Variants in RAD17 observed in about 807,000 individuals in gnomAD.
RAD17 encodes cell cycle checkpoint protein RAD17.
RAD17 carries 31 observed loss-of-function variants against 81.5 expected under a neutral mutation model. That is an observed-to-expected ratio of 0.38 (90% CI 0.29 to 0.51). The LOEUF (loss-of-function observed/expected upper bound fraction) is 0.51. Ranked by LOEUF, RAD17 falls within the 20% of genes least tolerant of loss-of-function variation. The pLI, the probability that RAD17 is intolerant of heterozygous loss-of-function variation, is 0.88. For missense variants in RAD17, 681 were observed against 781.2 expected (o/e 0.87, Z 1.53); for synonymous variants, 261 against 266.2 (o/e 0.98, Z 0.19).
At chr5:69,369,804 G>A, upstream of RAD17, 10 of 1,224,910 alleles carry the variant, frequency 8.2e-6, no homozygotes, top group Non-Finnish European at 1.1e-5. Flanking sequence ...AGTCTGGAAG[G>A]TCCCCGGGAG....
chr5:69,391,924 T>G lies in RAD17; in HGVS notation c.1100T>G (p.Val367Gly). ...AAACGAAGAAAAAAACCTGATAGGG[T>G]TTTTGAAAATCAAGAGGTCCAAGCT... Reference protein sequence around the residue: ...KSKRRKKPDRVFENQEVQAIG... With the variant: ...KSKRRKKPDRGFENQEVQAIG... The change falls in exon 13 of 19, where the codon GTT becomes GGT. Residue 367 changes from valine to glycine, a missense_variant. By Grantham distance (109) the Val-to-Gly change is moderately radical. Coordinates refer to ENST00000354868, the MANE Select transcript of RAD17 (RefSeq NM_133338.3). The G allele has an allele frequency of 6.3e-7, 1 of 1,596,118 alleles. No individual in the cohort carries two copies. Among genetic ancestry groups the G allele is most frequent in the Non-Finnish European group, 8.5e-7 (1 of 1,174,490 alleles).
Position 69,373,903 on chromosome 5 carries a change from C to T in RAD17, c.83C>T (p.Ser28Leu). The T allele has an allele frequency of 6.2e-7, 1 of 1,609,722 alleles. No homozygotes were observed. The highest frequency in any genetic ancestry group is 1.3e-5 in the African/African-American group (1 of 74,626). The change falls in exon 5 of 19, where the codon TCA becomes TTA. Residue 28 changes from serine to leucine, a missense_variant. Coordinates refer to ENST00000354868, the MANE Select transcript of RAD17 (RefSeq NM_133338.3). ...CSGVSTITAT[S>L]LGVNNSSHRR... ...GGCGTCTCTACTATTACTGCCACAT[C>T]ATTAGGTGTGAATAACTCAAGTCAT...
chr5:69,413,406 TC>T (rs764681892), intron 18 of RAD17, among the ~76,000 whole-genome samples: 104 of 152,214 alleles, frequency 6.8e-4, no homozygotes, highest in Admixed American at 2.2e-3. Flanking sequence ...ACCACTGCAC[TC>T]CTGCCTGGGC....
chr5:69,383,429 G>A (rs1351488300), intron 7 of RAD17, among the ~76,000 whole-genome samples: 1 of 151,086 alleles, frequency 6.6e-6, no homozygotes, highest in Non-Finnish European at 1.5e-5. Context: ...CTGTCACCCA[G>A]GCTGGAGTGC....
intron 13 of RAD17, 65 bp downstream of exon 13, chr5:69,392,078 G>A (rs989629230): frequency 3.8e-6 from 5 of 1,308,992 alleles, no homozygotes; most frequent in Non-Finnish European, 4.1e-6. Flanking sequence ...GAAATAAAAT[G>A]TCACTTTTAA....
chr5:69,407,878 GT>G (rs1160744733), intron 17 of RAD17, among the ~76,000 whole-genome samples: 1 of 152,052 alleles, frequency 6.6e-6, no homozygotes, highest in Non-Finnish European at 1.5e-5. Flanking sequence ...GATACTTCTG[GT>G]TCAAATCTAC....
At position 69,386,411 on chromosome 5, in the gene RAD17, A is replaced by G. The variant is rs954943434; in HGVS notation, c.840A>G (p.Ala280=). The G allele has an allele frequency of 3.1e-6, 5 of 1,598,426 alleles. No individual in the cohort carries two copies. The highest frequency in any genetic ancestry group is 1.7e-6 in the Non-Finnish European group (2 of 1,174,482). The change falls in exon 11 of 19, where the codon GCA becomes GCG. Residue 280 remains alanine, a synonymous_variant. Transcript: ENST00000354868. ...TAAAACTTAGTTTCAACCCTGTGGC[A>G]CCAACAATTATGATGAAATTTCTTA... is the stretch of plus-strand genomic sequence containing the variant. The part of the protein sequence containing the change: ...SISNISFNPV[A]PTIMMKFLNR...
At chr5:69,369,533 T>C, upstream of RAD17, 1 of 1,611,150 alleles carries the variant, frequency 6.2e-7, no homozygotes, top group Middle Eastern at 1.8e-4. Context: ...TCACGTGCCC[T>C]TTGCTCTACA....
intron 7 of RAD17, among the ~76,000 whole-genome samples, 155 bp downstream of exon 7, chr5:69,382,212 G>C (rs533279281): frequency 6.6e-6 from 1 of 152,260 alleles, no homozygotes; most frequent in East Asian, 1.9e-4. Context: ...CACATGGGAG[G>C]CTGAGGCAGG....
At chr5:69,399,079 A>G (rs985480204) in intron 16 of RAD17, among the ~76,000 whole-genome samples, 2 of 152,030 alleles carry the variant, frequency 1.3e-5, no homozygotes, top group Middle Eastern at 3.2e-3. Context: ...CCAGCAATAT[A>G]GTGAGATCCC....
chr5:69,377,439 G>GTATATATATATATATATA (rs373632198), intron 6 of RAD17, among the ~76,000 whole-genome samples: 2 of 55,484 alleles, frequency 3.6e-5, no homozygotes, highest in Non-Finnish European at 2.9e-5. Context: ...GTGTGTGTGT[G>GTATATATATATATATATA]TATATATATA....
intron 15 of RAD17, 88 bp downstream of exon 15, chr5:69,393,588 A>G: frequency 8.2e-7 from 1 of 1,220,946 alleles, no homozygotes; most frequent in South Asian, 1.4e-5. Context: ...TAATTGCCTG[A>G]CATTATTTTA....
At chr5:69,387,050 A>G (rs1272875796) in intron 11 of RAD17, among the ~76,000 whole-genome samples, 2 of 150,790 alleles carry the variant, frequency 1.3e-5, no homozygotes, top group Admixed American at 6.6e-5. Flanking sequence ...TCAGCCTCCC[A>G]AGCAGCTGGG....
intron 6 of RAD17, among the ~76,000 whole-genome samples, chr5:69,380,807 G>A (rs1440964894): frequency 1.4e-5 from 2 of 142,766 alleles, no homozygotes; most frequent in East Asian, 2.0e-4. Context: ...TTACTCTAAT[G>A]TGCAGGATGG....
Position 69,386,316 on chromosome 5 carries a change from A to G in RAD17, c.824+11A>G, listed in dbSNP as rs1173306163. ...TATCTCAAATATTAGGTAAGAAAGA[A>G]ATTTCTGCTTATAAAGGTCACATAC... On this transcript the variant is annotated intron_variant, in intron 10 of 18. Transcript: ENST00000354868. 1.9e-6 allele frequency: 3 copies of G among 1,589,822 alleles called. No homozygotes were observed. Among genetic ancestry groups the G allele is most frequent in the Middle Eastern group, 1.7e-4 (1 of 5,924 alleles).
chr5:69,387,252 C>T (rs1764271639), intron 11 of RAD17, among the ~76,000 whole-genome samples: 1 of 151,916 alleles, frequency 6.6e-6, no homozygotes. Context: ...GTCATTTTTT[C>T]TGTATTTCAA....
chr5:69,406,925 ATT>A (rs1312285894), intron 17 of RAD17, among the ~76,000 whole-genome samples: 1 of 152,032 alleles, frequency 6.6e-6, no homozygotes, highest in Non-Finnish European at 1.5e-5. Flanking sequence ...CTATATATAT[ATT>A]AAAACAATAT....
At chr5:69,387,116 G>T (rs1310188062) in intron 11 of RAD17, among the ~76,000 whole-genome samples, 2 of 151,630 alleles carry the variant, frequency 1.3e-5, no homozygotes, top group Non-Finnish European at 2.9e-5. Context: ...TTAGAGACAG[G>T]GTCTCTCTGT....
intron 17 of RAD17, among the ~76,000 whole-genome samples, chr5:69,406,082 A>C (rs560657627): frequency 6.6e-6 from 1 of 151,994 alleles, no homozygotes; most frequent in East Asian, 1.9e-4. Context: ...TATGTTGAAG[A>C]GATATCTGCC....
Sources: allele counts gnomAD v4.1 joint callset (sites outside exome capture counted in the v4.1 genomes callset), GRCh38; gene constraint gnomAD v4.1.1; transcripts MANE v1.5; gene names NCBI Gene and HGNC (gene_info 2026-07-23, HGNC 2026-07-21).